The following ZDHHC20 variants were observed in gnomAD, a reference collection of about 807,000 sequenced individuals.
The protein encoded by ZDHHC20 is palmitoyltransferase ZDHHC20.
A neutral mutation model predicts 57.8 loss-of-function variants in ZDHHC20; 43 were observed. That is an observed-to-expected ratio of 0.74 (90% CI 0.58 to 0.96). The LOEUF is 0.96. Ranked by LOEUF, ZDHHC20 falls within the 40% of genes least tolerant of loss-of-function variation. The pLI is 0.00. For synonymous variants in ZDHHC20, 157 were observed against 153.0 expected (o/e 1.03, Z -0.19); for missense variants, 391 against 441.1 (o/e 0.89, Z 1.02).
Position 21,382,967 on chromosome 13 carries a change from C to G in ZDHHC20, c.897G>C (p.Met299Ile). The change falls in exon 10 of 13, where the codon ATG becomes ATC. Residue 299 changes from methionine (M) to isoleucine (I), a missense_variant. This residue lies in a region of ZDHHC20 where 197 missense variants were observed against 220.8 expected (regional missense o/e 0.89). Coordinates refer to ENST00000400590, the MANE Select transcript of ZDHHC20 (RefSeq NM_001330059.2). ...TTGTAACAGAAGCTTGTTCTGGATC[C>G]ATCCCCACAAGGCGAGTTGGAAAAC... ...GCSFPTRLVG[M>I]DPEQASVTNQ... 6.4e-7 allele frequency: 1 copy of G among 1,565,466 alleles called. No homozygotes were observed. The highest frequency in any genetic ancestry group is 8.7e-7 in the Non-Finnish European group (1 of 1,153,966).
chr13:21,401,644 T>A lies in ZDHHC20; in HGVS notation c.473+9A>T, dbSNP rs185178847. The A allele has an allele frequency of 5.3e-5, 82 of 1,537,434 alleles. No individual in the cohort carries two copies. The East Asian group carries it at 1.7e-3, about 32-fold the overall frequency. The stretch of plus-strand genomic sequence containing the variant: ...ACCAATGCAATTTCTTCTGTTTTTT[T>A]ATACATACCAAGGACAGTGATGATC... On this transcript the variant is annotated intron_variant, in intron 6 of 12. Coordinates refer to ENST00000400590, the MANE Select transcript of ZDHHC20 (RefSeq NM_001330059.2).
At chr13:21,398,239 C>T (rs1379889100) in intron 7 of ZDHHC20, among the ~76,000 whole-genome samples, 1 of 152,000 alleles carries the variant, frequency 6.6e-6, no homozygotes, top group Non-Finnish European at 1.5e-5. Flanking sequence ...TCGAGGCGGG[C>T]AGATCACGAG....
rs1156570400 is a variant in ZDHHC20 at position 21,422,262 on chromosome 13, G to GA, written c.146-1099dup. ...GATAAAGTGTTCACTGGTCTGCGCT[G>GA]AAAAAAAAAAAAGAAAAGAAAGACC... is the stretch of plus-strand genomic sequence containing the variant. On this transcript the variant is annotated intron_variant, in intron 2 of 12. Transcript: ENST00000400590. 4.6e-3 allele frequency among the ~76,000 whole-genome samples: 642 copies of GA among 138,116 alleles called. 2 individuals carry two copies. The highest frequency in any genetic ancestry group is 7.6e-3 in the Admixed American group (105 of 13,784). The allele number at this position is 138,116 out of a possible 152,430, so 90.6% of individuals were successfully genotyped here.
At position 21,458,838 on chromosome 13, in the gene ZDHHC20, G is replaced by T. The variant is rs561326692; in HGVS notation, c.118+216C>A. Among the ~76,000 whole-genome samples the T allele has an allele frequency of 5.9e-5, 9 of 152,294 alleles. No individual in the cohort carries two copies. In the East Asian group the frequency reaches 1.5e-3, roughly 26 times the overall value. ...CCAGACCTGCACCCGGGAAGCCGCC[G>T]CAAGGCTTCAGGAGCCCCAGGTCGC... On this transcript the variant is annotated intron_variant, in intron 1 of 12. Transcript: ENST00000400590.
At chr13:21,457,392 T>C (rs1302359291) in intron 1 of ZDHHC20, among the ~76,000 whole-genome samples, 1 of 152,174 alleles carries the variant, frequency 6.6e-6, no homozygotes, top group East Asian at 1.9e-4. Flanking sequence ...AATAAGAAGA[T>C]AAAGGAGGTA....
chr13:21,412,766 C>T (rs1422734914), intron 4 of ZDHHC20, among the ~76,000 whole-genome samples: 1 of 151,858 alleles, frequency 6.6e-6, no homozygotes, highest in Non-Finnish European at 1.5e-5. Context: ...GCCAGGAATT[C>T]GAGACCAGCC....
At chr13:21,377,475 T>C (rs77745002) in intron 12 of ZDHHC20, among the ~76,000 whole-genome samples, 298 of 57,446 alleles carry the variant, frequency 5.2e-3, no homozygotes, top group South Asian at 1.0e-2. Context: ...CCCTAGTGCC[T>C]GCGATCTGAC....
intron 1 of ZDHHC20, among the ~76,000 whole-genome samples, chr13:21,441,267 G>T (rs1883122544): frequency 6.6e-6 from 1 of 151,812 alleles, no homozygotes; most frequent in Non-Finnish European, 1.5e-5. Flanking sequence ...TCACATTTTG[G>T]GTCTTTTAAG....
At chr13:21,446,331 TG>T (rs1462658032) in intron 1 of ZDHHC20, among the ~76,000 whole-genome samples, 1 of 152,210 alleles carries the variant, frequency 6.6e-6, no homozygotes, top group Non-Finnish European at 1.5e-5. Flanking sequence ...CAACATACAC[TG>T]TTAATATTTT....
At chr13:21,457,721 T>C (rs748200474) in intron 1 of ZDHHC20, among the ~76,000 whole-genome samples, 4 of 152,236 alleles carry the variant, frequency 2.6e-5, no homozygotes, top group Non-Finnish European at 5.9e-5. Flanking sequence ...TTCTCTTCCA[T>C]GTATAGAACT....
rs1267134228 is a variant in ZDHHC20 at position 21,378,735 on chromosome 13, G to T, written c.1064C>A (p.Thr355Lys). The change falls in exon 12 of 13, where the codon ACA (threonine) becomes AAA (lysine). Residue 355 changes from threonine (T) to lysine (K), a missense_variant. Coordinates refer to ENST00000400590, the MANE Select transcript of ZDHHC20 (RefSeq NM_001330059.2). ...TATTGCCACTGTTACATGGTTATTT[G>T]TCCCTGTAAGCATATAATTATATAT... Reference protein sequence around the residue: ...GAEEGIVKSGTNNHVTVAIEN With the variant: ...GAEEGIVKSGKNNHVTVAIEN 2 of 1,397,138 alleles carry T rather than the reference G, an allele frequency of 1.4e-6. No homozygotes were observed. The highest frequency in any genetic ancestry group is 1.6e-5 in the South Asian group (1 of 61,626). 86.5% of individuals were successfully genotyped at this position (1,397,138 alleles called of 1,614,324 possible). A position where few individuals can be genotyped will look rare whatever the true frequency, so the allele number is the denominator to read the frequency against.
chr13:21,384,063 C>T (rs1873975516), intron 9 of ZDHHC20, among the ~76,000 whole-genome samples: 1 of 151,592 alleles, frequency 6.6e-6, no homozygotes, highest in African/African-American at 2.4e-5. Flanking sequence ...AGCTTTCTGC[C>T]AGGACCCTGG....
In ZDHHC20 at chr13:21,440,068, G is replaced by GAA. The variant is rs376263181; in HGVS notation, c.119-14392_119-14391dup. On this transcript the variant is annotated intron_variant, in intron 1 of 12. Transcript: ENST00000400590. The stretch of plus-strand genomic sequence containing the variant: ...GGCGACAGAGTAAGACTGTTTCTCA[G>GAA]AAAAAAAAAAAAAAAAAAAAAAAAA... 1.6e-3 allele frequency among the ~76,000 whole-genome samples: 148 copies of GAA among 89,776 alleles called. 7 individuals carry two copies. The highest frequency in any genetic ancestry group is 5.5e-3 in the African/African-American group (120 of 21,850). 58.9% of individuals were successfully genotyped at this position (89,776 alleles called of 152,430 possible).
At chr13:21,451,088 A>T (rs1884396670) in intron 1 of ZDHHC20, among the ~76,000 whole-genome samples, 1 of 152,196 alleles carries the variant, frequency 6.6e-6, no homozygotes, top group Non-Finnish European at 1.5e-5. Flanking sequence ...ATTCACATTT[A>T]ACTTTTCCTA....
At chr13:21,416,061 T>A (rs1402243446) in intron 3 of ZDHHC20, among the ~76,000 whole-genome samples, 1 of 151,818 alleles carries the variant, frequency 6.6e-6, no homozygotes, top group Non-Finnish European at 1.5e-5. Flanking sequence ...AAAAATTAGC[T>A]GGGTGTGGTG....
chr13:21,440,904 G>A (rs1307656676), intron 1 of ZDHHC20, among the ~76,000 whole-genome samples: 3 of 152,068 alleles, frequency 2.0e-5, no homozygotes, highest in Admixed American at 6.6e-5. Context: ...AAAAGAGAGA[G>A]AGAGACTATT....
chr13:21,451,978 G>C (rs913703165), intron 1 of ZDHHC20, among the ~76,000 whole-genome samples: 1 of 151,808 alleles, frequency 6.6e-6, no homozygotes, highest in Non-Finnish European at 1.5e-5. Context: ...TGGGCAACAA[G>C]AGTGAAGTTC....
In ZDHHC20 at chr13:21,414,158, G is replaced by C. The variant is rs1180228083; in HGVS notation, c.250-386C>G. Among the ~76,000 whole-genome samples, 3 of 151,478 alleles carry C rather than the reference G, an allele frequency of 2.0e-5. No individual in the cohort carries two copies. In the South Asian group the frequency reaches 6.2e-4, roughly 32 times the overall value. On this transcript the variant is annotated intron_variant, in intron 3 of 12. Transcript: ENST00000400590. ...ATGTCCAAAGATTTACTTGCTTTGG[G>C]TGAAAGGCTAAATCACAGTCATGGG...
chr13:21,396,082 T>C (rs1876740876), intron 7 of ZDHHC20, among the ~76,000 whole-genome samples: 1 of 152,118 alleles, frequency 6.6e-6, no homozygotes, highest in South Asian at 2.1e-4. Context: ...TCCTCTGCAA[T>C]TCCTGCAGCC....
Sources: gnomAD v4.1 joint callset for allele counts (sites outside exome capture counted in the v4.1 genomes callset) on GRCh38, gnomAD v4.1.1 for gene constraint, gnomAD v4.1.1 regional missense constraint, MANE v1.5 for transcripts, NCBI Gene and HGNC (gene_info 2026-07-23, HGNC 2026-07-21) for gene names.